COMMD7: variants seen among roughly 807,000 people sequenced by gnomAD.
The protein encoded by COMMD7 is COMM domain containing 7, also known as COMM domain-containing protein 7.
A neutral mutation model predicts 34.8 loss-of-function variants in COMMD7; 28 were observed. That is an observed-to-expected ratio of 0.80 (90% CI 0.60 to 1.10). The LOEUF is 1.10. COMMD7 is among the 50% of genes least tolerant of loss of function. The pLI, the probability that COMMD7 is intolerant of heterozygous loss-of-function variation, is 0.00. For missense variants in COMMD7, 211 were observed against 241.6 expected (o/e 0.87, Z 0.84); for synonymous variants, 80 against 86.4 (o/e 0.93, Z 0.41).
At position 32,706,621 on chromosome 20, in the gene COMMD7, C is replaced by G. The variant is rs1285561568; in HGVS notation, c.299-1G>C. ...TAAGTGGCTTTCTCCTCACTAAGAC[C>G]TATAAGAGAACAGAAGGAGATATTA... On this transcript the variant is annotated splice_acceptor_variant, in intron 4 of 8. Transcript: ENST00000278980. LOFTEE classifies it high-confidence loss of function. 3 of 1,611,874 alleles carry G rather than the reference C, an allele frequency of 1.9e-6. No homozygotes were observed. The highest frequency in any genetic ancestry group is 4.5e-5 in the East Asian group (2 of 44,860).
rs745332295 is a variant in COMMD7, at chr20:32,703,396, C to G, written c.589G>C (p.Glu197Gln). ...AGGGACAGAAATCAGCAGAAACACT[C>G]CATGCTGGTTCTGACTCGCTCCATC... The part of the protein sequence containing the change: ...HEMERVRTSM[E>Q]CFC The change falls in exon 9 of 9, where the codon GAG becomes CAG. Residue 197 changes from glutamate (E) to glutamine (Q), a missense_variant. Glu to Gln is a conservative substitution (Grantham distance 29). Transcript: ENST00000278980. 11 of 1,613,888 alleles carry G rather than the reference C, an allele frequency of 6.8e-6. No homozygotes were observed. In the Admixed American group the frequency reaches 1.7e-4, roughly 24 times the overall value.
intron 1 of COMMD7, among the ~76,000 whole-genome samples, chr20:32,739,244 C>CATCTGATCAAGATGGAT (rs1986299401): frequency 6.6e-6 from 1 of 152,046 alleles, no homozygotes; most frequent in East Asian, 1.9e-4. Context: ...AGATGGATCA[C>CATCTGATCAAGATGGAT]CAGAGACCAT....
chr20:32,739,389 T>C (rs1986305483), intron 1 of COMMD7, among the ~76,000 whole-genome samples: 1 of 152,146 alleles, frequency 6.6e-6, no homozygotes, highest in East Asian at 1.9e-4. Context: ...CTCACGCCTG[T>C]AATCCCAGCA....
At chr20:32,722,406 T>C (rs1379187185) in intron 3 of COMMD7, among the ~76,000 whole-genome samples, 1 of 151,934 alleles carries the variant, frequency 6.6e-6, no homozygotes, top group Non-Finnish European at 1.5e-5. Context: ...TTTCCAAAGA[T>C]GAAGGCCAGA....
intron 3 of COMMD7, among the ~76,000 whole-genome samples, chr20:32,727,398 G>A (rs1985571812): frequency 6.6e-6 from 1 of 151,610 alleles, no homozygotes; most frequent in Admixed American, 6.6e-5. Flanking sequence ...TTAGCTGGGC[G>A]TGGTGGTGCG....
intron 1 of COMMD7, 49 bp downstream of exon 1, chr20:32,743,255 CGGAT>C: frequency 2.3e-6 from 3 of 1,285,622 alleles, no homozygotes; most frequent in Non-Finnish European, 2.1e-6. Context: ...ACCCCAGGCC[CGGAT>C]CCTGGAATCA....
chr20:32,735,296 C>T (rs1213540762), intron 1 of COMMD7, among the ~76,000 whole-genome samples: 1 of 151,518 alleles, frequency 6.6e-6, no homozygotes, highest in East Asian at 1.9e-4. Context: ...ACTTTTATTT[C>T]TATAAAAATA....
At chr20:32,738,157 A>G (rs1219905831) in intron 1 of COMMD7, among the ~76,000 whole-genome samples, 1 of 152,002 alleles carries the variant, frequency 6.6e-6, no homozygotes, top group Non-Finnish European at 1.5e-5. Flanking sequence ...ACAGGGTCGC[A>G]TTTTCTGACC....
At chr20:32,706,025 C>A (rs1984055661) in intron 5 of COMMD7, among the ~76,000 whole-genome samples, 5 of 151,734 alleles carry the variant, frequency 3.3e-5, no homozygotes, top group Admixed American at 3.3e-4. Context: ...ATGGTGAAAC[C>A]CCGTCTCTAC....
At position 32,721,986 on chromosome 20, in the gene COMMD7, G is replaced by A. The variant is rs182649827; in HGVS notation, c.241+5907C>T. 9.7e-4 allele frequency among the ~76,000 whole-genome samples: 147 copies of A among 151,618 alleles called. 7 individuals carry two copies. In the East Asian group the frequency reaches 0.025, roughly 25 times the overall value. On this transcript the variant is annotated intron_variant, in intron 3 of 8. Transcript: ENST00000278980. ...TGAGGCAGGAGAATCGCTTGAACCCGGGAGGTGGAGGTTGCAGTGAGCCGA... is the reference window on the plus strand; with the variant it reads ...TGAGGCAGGAGAATCGCTTGAACCCAGGAGGTGGAGGTTGCAGTGAGCCGA...
chr20:32,713,199 C>A (rs1173254997), intron 3 of COMMD7, among the ~76,000 whole-genome samples: 1 of 152,060 alleles, frequency 6.6e-6, no homozygotes, highest in Non-Finnish European at 1.5e-5. Flanking sequence ...CAGGCATGTG[C>A]CACCATGCCT....
chr20:32,736,710 A>ATAAAGG (rs1344470903), intron 1 of COMMD7, among the ~76,000 whole-genome samples: 4 of 151,604 alleles, frequency 2.6e-5, no homozygotes, highest in African/African-American at 9.7e-5. Flanking sequence ...AAAAAAACCA[A>ATAAAGG]TAAAGGTAAA....
chr20:32,708,439 T>G (rs1047028833), intron 3 of COMMD7, among the ~76,000 whole-genome samples: 1 of 152,054 alleles, frequency 6.6e-6, no homozygotes, highest in Non-Finnish European at 1.5e-5. Context: ...GGAGGAAATC[T>G]TTTATCTCCA....
At chr20:32,711,832 G>A (rs370555542) in intron 3 of COMMD7, among the ~76,000 whole-genome samples, 2 of 138,988 alleles carry the variant, frequency 1.4e-5, no homozygotes, top group South Asian at 2.7e-4. Context: ...GCCTCTTGGA[G>A]GGTGGGGTGG....
At chr20:32,705,348 A>ATG (rs1244224259) in intron 5 of COMMD7, among the ~76,000 whole-genome samples, 138 of 143,618 alleles carry the variant, frequency 9.6e-4, no homozygotes, top group Non-Finnish European at 1.4e-3. Context: ...GTATATATAT[A>ATG]TGTGTGTGTG....
rs192831037 is a variant in COMMD7 at position 32,734,131 on chromosome 20, A to C, written c.85-5989T>G. On this transcript the variant is annotated intron_variant, in intron 1 of 8. Coordinates refer to ENST00000278980, the MANE Select transcript of COMMD7 (RefSeq NM_053041.3). ...GGAAGGCAGAGCTTGTGGTGAGCCC[A>C]GATCACACCACTGCACTCCAGCCTG... 6.1e-3 allele frequency among the ~76,000 whole-genome samples: 926 copies of C among 150,872 alleles called. 10 individuals are homozygous for C. The highest frequency in any genetic ancestry group is 0.022 in the African/African-American group (893 of 40,976).
intron 3 of COMMD7, among the ~76,000 whole-genome samples, chr20:32,713,881 C>T (rs910459859): frequency 2.6e-5 from 4 of 152,062 alleles, no homozygotes; most frequent in African/African-American, 9.7e-5. Flanking sequence ...TTTGGGAGGC[C>T]GAGGCAGGTG....
intron 5 of COMMD7, among the ~76,000 whole-genome samples, chr20:32,706,080 C>A (rs1984059276): frequency 6.6e-6 from 1 of 151,528 alleles, no homozygotes; most frequent in Non-Finnish European, 1.5e-5. Flanking sequence ...TGCCTGTAAT[C>A]CCAGCTACTT....
chr20:32,714,409 A>G (rs1462885991), intron 3 of COMMD7, among the ~76,000 whole-genome samples: 1 of 152,090 alleles, frequency 6.6e-6, no homozygotes, highest in Admixed American at 6.6e-5. Context: ...TAAAATAAAA[A>G]TAGGGCCGGG....
Sources: gnomAD v4.1 joint callset for allele counts (sites outside exome capture counted in the v4.1 genomes callset) on GRCh38, gnomAD v4.1.1 for gene constraint, MANE v1.5 for transcripts, NCBI Gene and HGNC (gene_info 2026-07-23, HGNC 2026-07-21) for gene names.